Variants in ZNF208 observed in about 807,000 individuals in gnomAD.
The protein encoded by ZNF208 is zinc finger protein 95.
A neutral mutation model predicts 12.1 loss-of-function variants in ZNF208; 10 were observed. The observed-to-expected ratio is 0.83, with a 90% confidence interval of 0.51 to 1.40. ZNF208 has a LOEUF of 1.40. Ranked by LOEUF, ZNF208 falls within the 40% of genes most tolerant of loss-of-function variation. ZNF208 has a pLI of 0.00. For missense variants in ZNF208, 1,652 were observed against 1,485.0 expected, an observed-to-expected ratio of 1.11 and a Z score of -1.85; for synonymous variants, 497 against 488.4, an observed-to-expected ratio of 1.02 and a Z score of -0.23.
At chr19:21,965,852 CA>C (rs1188044965), downstream of ZNF208, 1 of 151,292 alleles carries the variant, frequency 6.6e-6, no homozygotes, top group East Asian at 1.9e-4. Flanking sequence ...AGTACAGTAA[CA>C]AATTAAGTCT....
Position 21,974,046 on chromosome 19 carries a change from T to C in ZNF208, c.988A>G (p.Thr330Ala). Reference sequence around the variant, plus strand: ...TCTCCAGCATGAATTGCCTTATGTGTAATAAGGGTTGAGACCTTACTGAAG... The same window carrying C: ...TCTCCAGCATGAATTGCCTTATGTGCAATAAGGGTTGAGACCTTACTGAAG... ...KAFSKVSTLI[T>A]HKAIHAGEKP... is the part of the protein sequence containing the mutation. The change falls in exon 4 of 4, where the codon ACA becomes GCA. Residue 330 changes from threonine to alanine, a missense_variant. Coordinates refer to ENST00000397126, the MANE Select transcript of ZNF208 (RefSeq NM_007153.3). 2.3e-6 allele frequency: 3 copies of C among 1,325,324 alleles called. 1 individual carries two copies. The highest frequency in any genetic ancestry group is 7.0e-5 in the East Asian group (2 of 28,714). The allele number at this position is 1,325,324 out of a possible 1,614,324, so 82.1% of individuals were successfully genotyped here. A position where few individuals can be genotyped will look rare whatever the true frequency, so the allele number is the denominator to read the frequency against.
At chr19:21,992,173 G>T (rs1015746733) in intron 1 of ZNF208, among the ~76,000 whole-genome samples, 26 of 152,266 alleles carry the variant, frequency 1.7e-4, no homozygotes, top group African/African-American at 6.3e-4. Flanking sequence ...ATGATGAAGA[G>T]AAAAATAATT....
intron 1 of ZNF208, among the ~76,000 whole-genome samples, chr19:22,005,317 T>G (rs1020027708): frequency 2.0e-5 from 3 of 152,124 alleles, no homozygotes; most frequent in Admixed American, 6.5e-5. Context: ...CAGATCTCTT[T>G]TAAGTTTTCA....
At chr19:21,998,214 G>A (rs1420883567) in intron 1 of ZNF208, 1 of 149,616 alleles carries the variant, frequency 6.7e-6, no homozygotes, top group African/African-American at 2.5e-5. Flanking sequence ...GAGTGCAGTG[G>A]CGCGATCTCG....
intron 1 of ZNF208, among the ~76,000 whole-genome samples, chr19:22,005,928 G>C (rs1274072330): frequency 2.6e-5 from 4 of 152,108 alleles, no homozygotes; most frequent in Admixed American, 1.3e-4. Context: ...TCATGACTTA[G>C]ATGGTGCTCT....
At chr19:21,976,051 T>C (rs1480096315) in intron 3 of ZNF208, among the ~76,000 whole-genome samples, 1 of 152,132 alleles carries the variant, frequency 6.6e-6, no homozygotes, top group East Asian at 1.9e-4. Context: ...AAATACATTA[T>C]TTTCTAGGAA....
At chr19:21,947,607 A>G (rs906484857) in intron 4 of ZNF208, among the ~76,000 whole-genome samples, 11 of 152,182 alleles carry the variant, frequency 7.2e-5, no homozygotes, top group Non-Finnish European at 1.5e-4. Context: ...GAAAAACTCA[A>G]CTTTCAACAG....
intron 4 of ZNF208, among the ~76,000 whole-genome samples, chr19:21,950,102 TTTAA>T (rs1237176106): frequency 3.3e-5 from 5 of 152,178 alleles, no homozygotes; most frequent in South Asian, 4.1e-4. Context: ...TCTGTAAAGT[TTTAA>T]TTAATTAAAT....
At chr19:22,001,728 A>G (rs752756047) in intron 1 of ZNF208, among the ~76,000 whole-genome samples, 18 of 151,698 alleles carry the variant, frequency 1.2e-4, no homozygotes, top group Non-Finnish European at 2.4e-4. Context: ...TGTCTCTTCT[A>G]AAAACACACA....
intron 3 of ZNF208, among the ~76,000 whole-genome samples, chr19:21,976,974 A>T (rs151164349): frequency 0.018 from 2,766 of 152,364 alleles, 70 homozygotes; most frequent in African/African-American, 0.062. Context: ...TCATGCAAAT[A>T]TTAATCAAAT....
chr19:21,951,998 C>A (rs2262908), intron 4 of ZNF208, among the ~76,000 whole-genome samples: 1 of 151,864 alleles, frequency 6.6e-6, no homozygotes, highest in African/African-American at 2.4e-5. Context: ...AAGATTCTCT[C>A]CCGTACCTGG....
intron 1 of ZNF208, among the ~76,000 whole-genome samples, chr19:21,995,690 G>T (rs1016218782): frequency 2.6e-5 from 4 of 152,154 alleles, no homozygotes; most frequent in African/African-American, 4.8e-5. Flanking sequence ...AGGACAAGAA[G>T]ACTCTACTCC....
At chr19:22,010,714 A>G in intron 1 of ZNF208, 78 bp downstream of exon 1, 8 of 1,610,140 alleles carry the variant, frequency 5.0e-6, no homozygotes, top group Non-Finnish European at 6.8e-6. Flanking sequence ...GGGAGGCCTG[A>G]GTCCCGCCAC....
intron 4 of ZNF208, among the ~76,000 whole-genome samples, chr19:21,959,444 A>G (rs1970028270): frequency 6.6e-6 from 1 of 152,236 alleles, no homozygotes; most frequent in South Asian, 2.1e-4. Flanking sequence ...TTATTCTATT[A>G]CATCTTTTCC....
chr19:21,988,422 C>T (rs1385668675), intron 2 of ZNF208, among the ~76,000 whole-genome samples: 1 of 152,062 alleles, frequency 6.6e-6, no homozygotes, highest in East Asian at 1.9e-4. Flanking sequence ...TCTGCTCCTG[C>T]CACCAGAAGG....
At chr19:21,952,853 C>T (rs996819908) in intron 4 of ZNF208, among the ~76,000 whole-genome samples, 1 of 151,978 alleles carries the variant, frequency 6.6e-6, no homozygotes, top group Non-Finnish European at 1.5e-5. Context: ...TTCAGAAGGT[C>T]GGTAGTAACA....
At chr19:21,977,903 C>T (rs375011109) in intron 3 of ZNF208, among the ~76,000 whole-genome samples, 1 of 152,134 alleles carries the variant, frequency 6.6e-6, no homozygotes, top group South Asian at 2.1e-4. Flanking sequence ...GGGGGAAGGG[C>T]GTCCGCCATT....
rs1487849172 is a variant in ZNF208, at chr19:21,954,593, C to T, written c.305+20136G>A. On this transcript the variant is annotated intron_variant, in intron 4 of 4. Transcript: ENST00000599916. ...GATCCCTTTACCATTATGTAATGGC[C>T]TTCTTTGTCTCTTTTGATCTTTGTT... Among the ~76,000 whole-genome samples, 12 of 152,216 alleles carry T rather than the reference C, an allele frequency of 7.9e-5. No homozygotes were observed. In the East Asian group the frequency reaches 9.7e-4, roughly 12 times the overall value.
downstream of ZNF208, among the ~76,000 whole-genome samples, chr19:21,962,190 C>A (rs11881563): frequency 6.6e-4 from 101 of 152,042 alleles, no homozygotes; most frequent in Admixed American, 1.4e-3. Flanking sequence ...CAGCTCCAGC[C>A]GGTCCCTCCA....
Sources: gnomAD v4.1 joint callset for allele counts (sites outside exome capture counted in the v4.1 genomes callset) on GRCh38, gnomAD v4.1.1 for gene constraint, MANE v1.5 for transcripts, NCBI Gene and HGNC (gene_info 2026-07-23, HGNC 2026-07-21) for gene names.